The following INTS9 variants were observed in gnomAD, a reference collection of about 807,000 sequenced individuals.
INTS9 encodes integrator complex subunit 9, also known as protein related to CPSF subunits of 74 kDa.
A neutral mutation model predicts 79.7 loss-of-function variants in INTS9; 55 were observed. The ratio of observed to expected loss-of-function variants is 0.69; its 90% CI spans 0.56 to 0.86. The LOEUF is 0.86. Among genes scored for constraint, INTS9 ranks in the 40% least tolerant of loss-of-function variants. The pLI, the probability that INTS9 is intolerant of heterozygous loss-of-function variation, is 0.00. For missense variants in INTS9, 721 were observed against 831.5 expected (o/e 0.87, Z 1.64); for synonymous variants, 319 against 325.2 (o/e 0.98, Z 0.20).
chr8:28,843,719 CTTCTTCCTTTTTCTTTTTTTTTTTTTAAA>C (rs1208171189), intron 4 of INTS9, among the ~76,000 whole-genome samples: 2 of 151,234 alleles, frequency 1.3e-5, no homozygotes, highest in Non-Finnish European at 2.9e-5. Context: ...CTTTTCTTTT[CTTCTTCCTTTTTCTTTTTTTTTTTTTAAA>C]CAATGGTCCT....
intron 5 of INTS9, 128 bp from the exon 6 acceptor site, chr8:28,835,506 T>C: frequency 1.7e-6 from 1 of 602,216 alleles, no homozygotes; most frequent in Non-Finnish European, 2.9e-6. Context: ...CATCTTCCTC[T>C]CTGCTGCACA....
chr8:28,780,518 C>G (rs1803192438), intron 12 of INTS9: 1 of 985,286 alleles, frequency 1.0e-6, no homozygotes, highest in South Asian at 4.7e-5. Context: ...AAAACAACAC[C>G]GTTACTGAAT....
intron 6 of INTS9, among the ~76,000 whole-genome samples, chr8:28,831,402 T>C (rs1806479563): frequency 6.6e-6 from 1 of 152,194 alleles, no homozygotes; most frequent in Non-Finnish European, 1.5e-5. Context: ...CAAACCACCA[T>C]GGCACATGTT....
chr8:28,787,957 G>T, intron 10 of INTS9, 68 bp from the exon 11 acceptor site: 1 of 1,037,424 alleles, frequency 9.6e-7, no homozygotes, highest in South Asian at 1.5e-5. Context: ...GCCACCTAGT[G>T]GCAGCAGTGC....
chr8:28,808,571 G>C (rs1011881107), intron 8 of INTS9, among the ~76,000 whole-genome samples: 1 of 152,122 alleles, frequency 6.6e-6, no homozygotes, highest in African/African-American at 2.4e-5. Context: ...TCTGTCTAAT[G>C]TTCTCTCAAA....
chr8:28,853,564 G>A (rs887586137), intron 2 of INTS9, among the ~76,000 whole-genome samples: 1 of 152,018 alleles, frequency 6.6e-6, no homozygotes, highest in Admixed American at 6.5e-5. Flanking sequence ...AAAATTTTTA[G>A]TCAAAAAATG....
chr8:28,800,117 T>C (rs1804439566), intron 8 of INTS9, among the ~76,000 whole-genome samples: 1 of 152,246 alleles, frequency 6.6e-6, no homozygotes, highest in Non-Finnish European at 1.5e-5. Flanking sequence ...CACAGGACTC[T>C]GAAGCTCCGT....
intron 8 of INTS9, among the ~76,000 whole-genome samples, chr8:28,810,933 A>G (rs1045300131): frequency 2.6e-5 from 4 of 152,104 alleles, no homozygotes; most frequent in African/African-American, 9.7e-5. Context: ...TGCTAACACT[A>G]CATGACATGG....
Position 28,812,415 on chromosome 8 carries a change from G to T in INTS9, c.656C>A (p.Ala219Asp), listed in dbSNP as rs912667862. The change falls in exon 8 of 17, where the codon GCC becomes GAC. Residue 219 changes from alanine to aspartate, a missense_variant. Ala to Asp is a moderately radical substitution (Grantham distance 126). Transcript: ENST00000521022. ...GATGATCCAGTTGGAGCTCCCAAGG[G>T]CATAGCCAGAGCTCAGAGGAGTCAC... Reference protein sequence around the residue: ...VQVTPLSSGYALGSSNWIIQS... With the variant: ...VQVTPLSSGYDLGSSNWIIQS... 9.9e-6 allele frequency: 16 copies of T among 1,613,868 alleles called. No individual in the cohort carries two copies. Among genetic ancestry groups the T allele is most frequent in the African/African-American group, 1.3e-5 (1 of 74,932 alleles).
Position 28,882,244 on chromosome 8 carries a change from T to C in INTS9, c.9+7630A>G, listed in dbSNP as rs866991733. 5.7e-3 allele frequency among the ~76,000 whole-genome samples: 728 copies of C among 128,418 alleles called. 1 individual carries two copies. Among genetic ancestry groups the C allele is most frequent in the African/African-American group, 0.019 (700 of 37,284 alleles). 84.2% of individuals were successfully genotyped at this position (128,418 alleles called of 152,430 possible). ...TGCAAGATGTGCTTTGTTAAACAGA[T>C]GCTTGAAGGCAGCATGCTCGTTAAG... On this transcript the variant is annotated intron_variant, in intron 1 of 16. Transcript: ENST00000521022.
At chr8:28,783,073 A>G (rs1803388096) in intron 11 of INTS9, among the ~76,000 whole-genome samples, 1 of 143,338 alleles carries the variant, frequency 7.0e-6, no homozygotes, top group Non-Finnish European at 1.5e-5. Flanking sequence ...TGAACCCAGG[A>G]GGCGGAGCTT....
intron 8 of INTS9, among the ~76,000 whole-genome samples, chr8:28,802,404 C>G (rs1804573317): frequency 6.6e-6 from 1 of 152,156 alleles, no homozygotes; most frequent in Non-Finnish European, 1.5e-5. Context: ...CTGTGGAATC[C>G]TTGCTTTCAA....
intron 8 of INTS9, among the ~76,000 whole-genome samples, chr8:28,804,618 T>A (rs754131331): frequency 6.6e-6 from 1 of 152,126 alleles, no homozygotes; most frequent in Non-Finnish European, 1.5e-5. Flanking sequence ...AGCAGTGGTA[T>A]GAGAGGAGGG....
intron 9 of INTS9, among the ~76,000 whole-genome samples, 165 bp from the exon 10 acceptor site, chr8:28,794,152 G>T (rs970990318): frequency 6.6e-6 from 1 of 152,190 alleles, no homozygotes; most frequent in African/African-American, 2.4e-5. Flanking sequence ...CAAAGCAGGG[G>T]ATGCTATAGG....
intron 3 of INTS9, among the ~76,000 whole-genome samples, chr8:28,849,351 G>A (rs962447650): frequency 1.3e-5 from 2 of 152,184 alleles, no homozygotes; most frequent in Middle Eastern, 3.4e-3. Context: ...CTATTGATCC[G>A]AGGAAGGAAT....
intron 12 of INTS9, among the ~76,000 whole-genome samples, chr8:28,778,592 C>T (rs1364312882): frequency 6.6e-5 from 10 of 152,172 alleles, no homozygotes; most frequent in Middle Eastern, 3.2e-3. Context: ...CCCCTCAGAC[C>T]GGGAAGAGTC....
chr8:28,792,281 A>G (rs1179753702), intron 10 of INTS9, among the ~76,000 whole-genome samples: 1 of 152,198 alleles, frequency 6.6e-6, no homozygotes, highest in African/African-American at 2.4e-5. Flanking sequence ...GCTTCTCTTC[A>G]TACTATATAC....
chr8:28,878,482 A>G (rs2131364387), intron 1 of INTS9, among the ~76,000 whole-genome samples: 1 of 151,844 alleles, frequency 6.6e-6, no homozygotes, highest in Middle Eastern at 3.4e-3. Context: ...CCAGCTAAAA[A>G]AAAAAAAAAA....
chr8:28,835,206 A>T, intron 6 of INTS9, 86 bp downstream of exon 6: 2 of 809,930 alleles, frequency 2.5e-6, no homozygotes, highest in Non-Finnish European at 4.1e-6. Flanking sequence ...ATCATTGTTT[A>T]AGCATAGAGG....
Sources: allele counts gnomAD v4.1 joint callset (sites outside exome capture counted in the v4.1 genomes callset), GRCh38; gene constraint gnomAD v4.1.1; transcripts MANE v1.5; gene names NCBI Gene and HGNC (gene_info 2026-07-23, HGNC 2026-07-21).